Variants in GRIN2A observed in about 807,000 individuals in gnomAD.
GRIN2A encodes the protein glutamate ionotropic receptor NMDA type subunit 2A.
Under a neutral mutation model 113.4 loss-of-function variants are expected in GRIN2A, and 22 were observed. The observed-to-expected ratio is 0.19, with a 90% CI of 0.14 to 0.28. The LOEUF is 0.28. GRIN2A is among the 10% of genes least tolerant of loss of function. GRIN2A has a pLI of 1.00. For missense variants in GRIN2A, 1,502 were observed against 1,887.0 expected, an observed-to-expected ratio of 0.80 and a Z score of 3.78; for synonymous variants, 827 against 738.4, an observed-to-expected ratio of 1.12 and a Z score of -1.94.
chr16:10,083,637 TG>T (rs2048027574), intron 2 of GRIN2A, among the ~76,000 whole-genome samples: 1 of 152,208 alleles, frequency 6.6e-6, no homozygotes, highest in South Asian at 2.1e-4. Flanking sequence ...TGTTCTTTTC[TG>T]CACCTCACCC....
chr16:10,131,918 C>G (rs758986135), intron 2 of GRIN2A, among the ~76,000 whole-genome samples: 17 of 152,038 alleles, frequency 1.1e-4, no homozygotes, highest in African/African-American at 3.4e-4. Context: ...TACTTATGAG[C>G]GCTTATGATG....
chr16:10,039,736 G>A (rs2141953722), intron 2 of GRIN2A, among the ~76,000 whole-genome samples: 1 of 140,332 alleles, frequency 7.1e-6, no homozygotes, highest in Middle Eastern at 3.7e-3. Flanking sequence ...CCCTCCCTCA[G>A]CAATGAGGAG....
chr16:10,009,138 A>C (rs2046456708), intron 2 of GRIN2A, among the ~76,000 whole-genome samples: 1 of 152,204 alleles, frequency 6.6e-6, no homozygotes. Context: ...ATCCATAAAG[A>C]AGGTGATTTT....
chr16:10,088,190 C>A (rs2048118023), intron 2 of GRIN2A, among the ~76,000 whole-genome samples: 2 of 152,152 alleles, frequency 1.3e-5, no homozygotes, highest in African/African-American at 2.4e-5. Context: ...GTAGTTTGCA[C>A]ATCCCAGGCT....
At chr16:10,029,832 A>G (rs1314665164) in intron 2 of GRIN2A, among the ~76,000 whole-genome samples, 1 of 151,966 alleles carries the variant, frequency 6.6e-6, no homozygotes, top group African/African-American at 2.4e-5. Flanking sequence ...CCCCGTCTCT[A>G]CTAAAAATAC....
At position 9,762,233 on chromosome 16, in the gene GRIN2A, A is replaced by G. The variant is rs746042232; in HGVS notation, c.*916T>C. Reference sequence around the variant, plus strand: ...TGGGAGGGAAGGGGTAACAGATACTATACAACCCTGAGTCATCACCAGAAG... The same window carrying G: ...TGGGAGGGAAGGGGTAACAGATACTGTACAACCCTGAGTCATCACCAGAAG... On this transcript the variant is annotated 3_prime_UTR_variant, in exon 13 of 13. Transcript: ENST00000330684. 32 of 223,236 alleles carry G rather than the reference A, an allele frequency of 1.4e-4. No homozygotes were observed. The Admixed American group carries it at 1.7e-3, about 12-fold the overall frequency. The allele number at this position is 223,236 out of a possible 1,614,324, so 13.8% of individuals were successfully genotyped here.
At chr16:10,108,192 C>T (rs911734472) in intron 2 of GRIN2A, among the ~76,000 whole-genome samples, 1 of 152,140 alleles carries the variant, frequency 6.6e-6, no homozygotes, top group African/African-American at 2.4e-5. Flanking sequence ...GCTGGGAAGG[C>T]CTCACAATCA....
chr16:9,911,877 G>C (rs1039734995), intron 3 of GRIN2A, among the ~76,000 whole-genome samples: 6 of 152,176 alleles, frequency 3.9e-5, no homozygotes, highest in African/African-American at 1.4e-4. Context: ...CCTTAGTCAA[G>C]CTGAAAAGCA....
At chr16:9,857,397 CACT>C (rs2042988017) in intron 4 of GRIN2A, among the ~76,000 whole-genome samples, 1 of 152,218 alleles carries the variant, frequency 6.6e-6, no homozygotes, top group South Asian at 2.1e-4. Flanking sequence ...TGTGAGAAGT[CACT>C]GGACTATCTT....
chr16:9,939,910 AT>A (rs1458163151), intron 2 of GRIN2A, among the ~76,000 whole-genome samples: 1 of 152,128 alleles, frequency 6.6e-6, no homozygotes, highest in Non-Finnish European at 1.5e-5. Context: ...AACTGAAAGA[AT>A]TATCAAAAGG....
intron 4 of GRIN2A, among the ~76,000 whole-genome samples, chr16:9,883,337 A>T (rs2043521571): frequency 6.6e-6 from 1 of 152,216 alleles, no homozygotes; most frequent in South Asian, 2.1e-4. Flanking sequence ...GAAAAAACAC[A>T]GATGAAAGGA....
chr16:9,969,351 GCA>G (rs2045625094), intron 2 of GRIN2A, among the ~76,000 whole-genome samples: 2 of 151,988 alleles, frequency 1.3e-5, no homozygotes, highest in Non-Finnish European at 2.9e-5. Flanking sequence ...CTTCTTAGAT[GCA>G]CACTTTCTTC....
chr16:9,796,627 T>G (rs1052254839), intron 11 of GRIN2A, among the ~76,000 whole-genome samples: 7 of 152,254 alleles, frequency 4.6e-5, no homozygotes, highest in Non-Finnish European at 7.3e-5. Context: ...CGTTCCTTTC[T>G]GTGCTTCTGC....
chr16:9,781,234 A>G (rs1901917530), intron 11 of GRIN2A, among the ~76,000 whole-genome samples: 2 of 152,250 alleles, frequency 1.3e-5, no homozygotes, highest in South Asian at 2.1e-4. Flanking sequence ...ATAACTTTTT[A>G]TATTTATATA....
rs548421182 is a variant in GRIN2A, at chr16:10,049,505, G to A, written c.415-110954C>T. Among the ~76,000 whole-genome samples, 10 of 152,096 alleles carry A rather than the reference G, an allele frequency of 6.6e-5. No individual in the cohort carries two copies. In the East Asian group the frequency reaches 1.9e-3, roughly 30 times the overall value. ...CGATTCTCCTGCCTCAGCCTCCTGA[G>A]TAGCTGGGGTTACAAGCACCCACAA... On this transcript the variant is annotated intron_variant, in intron 2 of 12. Coordinates refer to ENST00000330684, the MANE Select transcript of GRIN2A (RefSeq NM_001134407.3).
chr16:10,094,492 C>T (rs2048246612), intron 2 of GRIN2A, among the ~76,000 whole-genome samples: 1 of 151,988 alleles, frequency 6.6e-6, no homozygotes, highest in African/African-American at 2.4e-5. Flanking sequence ...TCTTATTGCC[C>T]AGGCTGGGGT....
intron 5 of GRIN2A, among the ~76,000 whole-genome samples, chr16:9,845,616 C>T (rs1010834054): frequency 6.6e-6 from 1 of 152,222 alleles, no homozygotes; most frequent in South Asian, 2.1e-4. Context: ...TAGCACTGCA[C>T]TGGGTTTCAT....
intron 10 of GRIN2A, among the ~76,000 whole-genome samples, chr16:9,801,301 T>G (rs939177531): frequency 1.3e-5 from 2 of 152,336 alleles, no homozygotes; most frequent in Non-Finnish European, 2.9e-5. Flanking sequence ...TTGGTTTTAT[T>G]TAGACTTTCT....
Position 9,964,047 on chromosome 16 carries a change from G to A in GRIN2A, c.415-25496C>T, listed in dbSNP as rs1291022943. On this transcript the variant is annotated intron_variant, in intron 2 of 12. Transcript: ENST00000330684. ...TTGATGCACAGCAGGAAGGGGCCAC[G>A]TGGGTTGATTGCAAATTTGGAGAGG... is the stretch of plus-strand genomic sequence containing the variant. 5.9e-5 allele frequency among the ~76,000 whole-genome samples: 9 copies of A among 152,196 alleles called. No individual in the cohort carries two copies. In the South Asian group the frequency reaches 1.5e-3, roughly 25 times the overall value.
Sources: gnomAD v4.1 joint callset for allele counts (sites outside exome capture counted in the v4.1 genomes callset) on GRCh38, gnomAD v4.1.1 for gene constraint, MANE v1.5 for transcripts, NCBI Gene and HGNC (gene_info 2026-07-23, HGNC 2026-07-21) for gene names.